The following TSNARE1 variants were observed in gnomAD, a reference collection of about 807,000 sequenced individuals.
The protein encoded by TSNARE1 is t-SNARE domain containing 1.
A neutral mutation model predicts 62.0 loss-of-function variants in TSNARE1; 49 were observed. The observed-to-expected ratio is 0.79, with a 90% CI of 0.63 to 1.00. The LOEUF is 1.00. TSNARE1 is among the 50% of genes least tolerant of loss of function. The probability of loss-of-function intolerance (pLI) is 0.00; values close to 1 mark genes in which losing one functional copy is unlikely to be tolerated. For synonymous variants in TSNARE1, 328 were observed against 294.4 expected, an observed-to-expected ratio of 1.11 and a Z score of -1.17; for missense variants, 755 against 700.1, an observed-to-expected ratio of 1.08 and a Z score of -0.88.
intron 2 of TSNARE1, among the ~76,000 whole-genome samples, chr8:142,347,980 G>C (rs1446532206): frequency 1.3e-5 from 2 of 152,234 alleles, no homozygotes; most frequent in Non-Finnish European, 2.9e-5. Context: ...GCCCCTCGAG[G>C]GGCCAGTATG....
intron 1 of TSNARE1, among the ~76,000 whole-genome samples, chr8:142,360,517 G>A (rs535163863): frequency 1.3e-5 from 2 of 152,288 alleles, no homozygotes; most frequent in South Asian, 4.1e-4. Context: ...ACGGAGGCCA[G>A]GGACAATGCC....
intron 12 of TSNARE1, among the ~76,000 whole-genome samples, chr8:142,230,944 C>T (rs1817082595): frequency 7.0e-6 from 1 of 143,394 alleles, no homozygotes; most frequent in African/African-American, 2.7e-5. Flanking sequence ...ATCCGTCCAC[C>T]TATCCACCCA....
At chr8:142,283,771 G>A (rs1235190788) in intron 11 of TSNARE1, among the ~76,000 whole-genome samples, 3 of 138,016 alleles carry the variant, frequency 2.2e-5, no homozygotes, top group Non-Finnish European at 3.2e-5. Flanking sequence ...CAGGGACAGC[G>A]TCAATGAACA....
intron 13 of TSNARE1, among the ~76,000 whole-genome samples, chr8:142,217,233 G>T (rs1815882110): frequency 6.6e-6 from 1 of 150,702 alleles, no homozygotes; most frequent in Non-Finnish European, 1.5e-5. Flanking sequence ...AACAGAGCAA[G>T]ACTCTGTCTC....
At chr8:142,226,625 A>G (rs779663741) in intron 13 of TSNARE1, among the ~76,000 whole-genome samples, 2 of 152,154 alleles carry the variant, frequency 1.3e-5, no homozygotes, top group Non-Finnish European at 2.9e-5. Context: ...CTGGCTAAAG[A>G]GCACTGGCTC....
chr8:142,355,484 C>G (rs1014984250), intron 1 of TSNARE1, among the ~76,000 whole-genome samples: 2 of 152,192 alleles, frequency 1.3e-5, no homozygotes, highest in African/African-American at 4.8e-5. Context: ...ACCGGCCGTC[C>G]CTGGAATGGG....
At chr8:142,337,006 G>C (rs75855919) in intron 4 of TSNARE1, among the ~76,000 whole-genome samples, 3,304 of 152,180 alleles carry the variant, frequency 0.022, 53 homozygotes, top group Middle Eastern at 0.085. Context: ...GCAATGCATA[G>C]AGGGAAGTGT....
At chr8:142,402,170 G>A (rs1838338395) in intron 1 of TSNARE1, among the ~76,000 whole-genome samples, 2 of 152,220 alleles carry the variant, frequency 1.3e-5, no homozygotes, top group African/African-American at 4.8e-5. Flanking sequence ...AAGGGCGCCA[G>A]GTGTGGCTGG....
In TSNARE1 at chr8:142,315,354, C is replaced by T. The variant is rs183755346; in HGVS notation, c.985-262G>A. 2.0e-3 allele frequency among the ~76,000 whole-genome samples: 312 copies of T among 152,362 alleles called. 1 individual carries two copies. Among genetic ancestry groups the T allele is most frequent in the African/African-American group, 7.0e-3 (290 of 41,588 alleles). The stretch of plus-strand genomic sequence containing the variant: ...CTACCCAAGGCACATAAACCCGGCC[C>T]CACACCACCTCCGCGAGCAGCACTG... On this transcript the variant is annotated intron_variant, in intron 7 of 13. Coordinates refer to ENST00000524325, the MANE Select transcript of TSNARE1 (RefSeq NM_145003.5).
chr8:142,383,877 C>T (rs1836939093), intron 1 of TSNARE1, among the ~76,000 whole-genome samples: 1 of 152,160 alleles, frequency 6.6e-6, no homozygotes. Context: ...ATCCAAGCTT[C>T]ACGTTTAGAA....
intron 11 of TSNARE1, chr8:142,275,760 G>C: frequency 1.0e-6 from 1 of 985,404 alleles, no homozygotes; most frequent in Non-Finnish European, 1.2e-6. Flanking sequence ...TGCCTACCAG[G>C]GCACAGACCT....
chr8:142,245,802 G>A (rs1007843879), intron 12 of TSNARE1, among the ~76,000 whole-genome samples: 2 of 152,256 alleles, frequency 1.3e-5, no homozygotes, highest in Non-Finnish European at 2.9e-5. Flanking sequence ...CAGTGGTCCT[G>A]TTGGTTCTGG....
At chr8:142,281,577 G>C (rs982381697) in intron 11 of TSNARE1, among the ~76,000 whole-genome samples, 11 of 152,132 alleles carry the variant, frequency 7.2e-5, no homozygotes, top group Admixed American at 7.2e-4. Context: ...GGAGGCCACA[G>C]CGCATGGAGT....
chr8:142,308,769 A>T (rs1223676017), intron 9 of TSNARE1, among the ~76,000 whole-genome samples: 2 of 152,140 alleles, frequency 1.3e-5, no homozygotes, highest in African/African-American at 4.8e-5. Flanking sequence ...TACATTTTGG[A>T]ATCAGCTTGA....
rs1156882493 is a variant in TSNARE1 at position 142,365,627 on chromosome 8, CACACACAGAG to C, written c.-39-10874_-39-10865del. ...GCACACACACACACACACACACACA[CACACACAGAG>C]AGAGAGAGGGGAACAAAGAATAAAC... On this transcript the variant is annotated intron_variant, in intron 1 of 13. Coordinates refer to ENST00000524325, the MANE Select transcript of TSNARE1 (RefSeq NM_145003.5). Among the ~76,000 whole-genome samples the C allele has an allele frequency of 6.9e-3, 1,026 of 149,612 alleles. 9 individuals carry two copies. The highest frequency in any genetic ancestry group is 0.024 in the African/African-American group (960 of 39,966).
chr8:142,373,592 G>C (rs1314392670), intron 1 of TSNARE1, among the ~76,000 whole-genome samples: 1 of 151,970 alleles, frequency 6.6e-6, no homozygotes, highest in Non-Finnish European at 1.5e-5. Context: ...ACAGCTGATG[G>C]ACGCTGGCCC....
At chr8:142,379,755 T>A (rs576315140) in intron 1 of TSNARE1, among the ~76,000 whole-genome samples, 1 of 152,052 alleles carries the variant, frequency 6.6e-6, no homozygotes, top group Non-Finnish European at 1.5e-5. Flanking sequence ...GCTTTACGGG[T>A]GGGGCCAGGG....
intron 12 of TSNARE1, among the ~76,000 whole-genome samples, chr8:142,265,994 T>C (rs1174252977): frequency 6.6e-6 from 1 of 152,250 alleles, no homozygotes; most frequent in Non-Finnish European, 1.5e-5. Context: ...TGCAAATATA[T>C]TCTACTAGTC....
At chr8:142,329,993 C>A (rs1418857522) in intron 6 of TSNARE1, among the ~76,000 whole-genome samples, 1 of 152,248 alleles carries the variant, frequency 6.6e-6, no homozygotes, top group East Asian at 1.9e-4. Context: ...CTTGTGGGAG[C>A]CGTGGCCCTC....
Sources: gnomAD v4.1 joint callset for allele counts (sites outside exome capture counted in the v4.1 genomes callset) on GRCh38, gnomAD v4.1.1 for gene constraint, MANE v1.5 for transcripts, NCBI Gene and HGNC (gene_info 2026-07-23, HGNC 2026-07-21) for gene names.